VPS13D: variants seen among roughly 807,000 people sequenced by gnomAD.
VPS13D encodes the protein intermembrane lipid transfer protein VPS13D.
VPS13D carries 187 observed loss-of-function variants against 461.9 expected under a neutral mutation model. That is an observed-to-expected ratio of 0.40 (90% CI 0.36 to 0.46). VPS13D has a LOEUF of 0.46. VPS13D is among the 20% of genes least tolerant of loss of function. VPS13D has a pLI of 0.60. For synonymous variants in VPS13D, 1,951 were observed against 1,986.3 expected, an observed-to-expected ratio of 0.98 and a Z score of 0.47; for missense variants, 4,711 against 5,364.9, an observed-to-expected ratio of 0.88 and a Z score of 3.81.
intron 16 of VPS13D, among the ~76,000 whole-genome samples, 197 bp downstream of exon 16, chr1:12,269,073 A>G (rs536649785): frequency 1.3e-5 from 2 of 152,302 alleles, no homozygotes; most frequent in East Asian, 1.9e-4. Flanking sequence ...AGAGAAATCT[A>G]TATCCTTAAA....
chr1:12,265,849 T>C (rs764135351), intron 13 of VPS13D, among the ~76,000 whole-genome samples: 16 of 152,190 alleles, frequency 1.1e-4, no homozygotes, highest in Non-Finnish European at 1.9e-4. Context: ...GTGAAGATAC[T>C]ATGAACACTG....
intron 24 of VPS13D, among the ~76,000 whole-genome samples, chr1:12,296,214 C>T (rs1033247034): frequency 2.0e-5 from 3 of 152,144 alleles, no homozygotes; most frequent in Admixed American, 6.5e-5. Flanking sequence ...AGGGTGTGCG[C>T]ACATTTCTCT....
intron 67 of VPS13D, among the ~76,000 whole-genome samples, chr1:12,461,030 G>A (rs1218849530): frequency 6.6e-6 from 1 of 152,192 alleles, no homozygotes; most frequent in African/African-American, 2.4e-5. Flanking sequence ...CAGCCCATAT[G>A]GTTCCAAACC....
At chr1:12,430,954 T>G (rs929724895) in intron 65 of VPS13D, among the ~76,000 whole-genome samples, 2 of 152,164 alleles carry the variant, frequency 1.3e-5, no homozygotes, top group Admixed American at 1.3e-4. Flanking sequence ...AGAAATCAAT[T>G]AACGTGACAA....
chr1:12,454,512 T>C (rs944027951), intron 65 of VPS13D, among the ~76,000 whole-genome samples: 3 of 152,248 alleles, frequency 2.0e-5, no homozygotes, highest in African/African-American at 7.2e-5. Flanking sequence ...CCCTAGGTTG[T>C]AAAATATTTG....
intron 2 of VPS13D, among the ~76,000 whole-genome samples, chr1:12,237,326 C>T (rs369269109): frequency 9.9e-6 from 1 of 100,864 alleles, no homozygotes; most frequent in South Asian, 3.3e-4. Flanking sequence ...CCCTTTTCTA[C>T]AAAAAAAAAA....
Position 12,230,088 on chromosome 1 carries a change from C to G in VPS13D, c.-109C>G, listed in dbSNP as rs139881781. The G allele has an allele frequency of 0.14, 21,434 of 151,820 alleles. 2,715 individuals are homozygous for G. Among genetic ancestry groups the G allele is most frequent in the African/African-American group, 0.34 (14,044 of 41,400 alleles). 9.4% of individuals were successfully genotyped at this position (151,820 alleles called of 1,614,324 possible). The stretch of plus-strand genomic sequence containing the variant: ...GCGGGGAGGAAACGCCGCGCAGCGC[C>G]GGGCTGGGGCGGGCGGCCCGGGACA... On this transcript the variant is annotated 5_prime_UTR_variant, in exon 1 of 70. Coordinates refer to ENST00000620676, the MANE Select transcript of VPS13D (RefSeq NM_015378.4).
At chr1:12,285,989 T>TTTCCTTTCC (rs1641961524) in intron 21 of VPS13D, among the ~76,000 whole-genome samples, 1 of 70,904 alleles carries the variant, frequency 1.4e-5, no homozygotes, top group African/African-American at 5.1e-5. Context: ...TTTCCTTTCC[T>TTTCCTTTCC]TTCCTCTCCT....
At chr1:12,346,417 A>G (rs942083958) in intron 43 of VPS13D, among the ~76,000 whole-genome samples, 188 bp from the exon 44 acceptor site, 2 of 152,190 alleles carry the variant, frequency 1.3e-5, no homozygotes, top group Non-Finnish European at 2.9e-5. Context: ...CATACGTTGA[A>G]TGGTTATAAA....
At chr1:12,387,250 C>T (rs1644361836) in intron 60 of VPS13D, among the ~76,000 whole-genome samples, 1 of 152,184 alleles carries the variant, frequency 6.6e-6, no homozygotes. Flanking sequence ...CTGCTATAGA[C>T]TGCCTAAGAA....
intron 54 of VPS13D, among the ~76,000 whole-genome samples, chr1:12,372,713 A>G (rs1260848893): frequency 1.3e-5 from 2 of 151,318 alleles, no homozygotes; most frequent in African/African-American, 2.4e-5. Context: ...TTGGTCACAT[A>G]TAATTTATCT....
In VPS13D at chr1:12,266,866, A is replaced by G. The variant is rs753694150; in HGVS notation, c.1595-15A>G. The G allele has an allele frequency of 6.5e-6, 10 of 1,546,792 alleles. No individual in the cohort carries two copies. In the Admixed American group the frequency reaches 1.9e-4, roughly 30 times the overall value. ...TCATAAGCATTGTATCAACTATTTT[A>G]TTTATCTTTTATAGATGTAAAACTT... On this transcript the variant is annotated splice_polypyrimidine_tract_variant and intron_variant, in intron 13 of 69. Coordinates refer to ENST00000620676, the MANE Select transcript of VPS13D (RefSeq NM_015378.4).
intron 22 of VPS13D, among the ~76,000 whole-genome samples, chr1:12,289,744 T>C (rs1642072536): frequency 6.6e-6 from 1 of 151,976 alleles, no homozygotes; most frequent in Admixed American, 6.6e-5. Context: ...GAGACAAGCC[T>C]GGGCAACATA....
At chr1:12,303,182 C>T (rs1313521051) in intron 25 of VPS13D, among the ~76,000 whole-genome samples, 1 of 152,154 alleles carries the variant, frequency 6.6e-6, no homozygotes, top group Non-Finnish European at 1.5e-5. Context: ...GGAAATAATC[C>T]TGAAATCAAA....
At chr1:12,265,376 C>T (rs774527854) in intron 13 of VPS13D, among the ~76,000 whole-genome samples, 67 of 152,164 alleles carry the variant, frequency 4.4e-4, no homozygotes, top group East Asian at 1.9e-4. Context: ...TGGCCTCAAA[C>T]GATCCTCCTG....
chr1:12,479,890 G>T (rs1426991232), intron 67 of VPS13D, among the ~76,000 whole-genome samples: 1 of 152,202 alleles, frequency 6.6e-6, no homozygotes, highest in Non-Finnish European at 1.5e-5. Context: ...TGCGAATGAA[G>T]GGTATGTATT....
intron 19 of VPS13D, among the ~76,000 whole-genome samples, chr1:12,278,344 C>T (rs1641677725): frequency 6.6e-6 from 1 of 152,146 alleles, no homozygotes; most frequent in Admixed American, 6.5e-5. Context: ...AGTCTCAGCT[C>T]ACTGCAACCT....
chr1:12,366,738 A>G (rs575183571), intron 52 of VPS13D, among the ~76,000 whole-genome samples: 1 of 152,322 alleles, frequency 6.6e-6, no homozygotes, highest in South Asian at 2.1e-4. Flanking sequence ...AACTATAGGA[A>G]AGTTACAAAA....
intron 25 of VPS13D, among the ~76,000 whole-genome samples, chr1:12,300,300 T>C (rs113865185): frequency 2.0e-5 from 3 of 148,658 alleles, no homozygotes; most frequent in African/African-American, 7.5e-5. Context: ...CTCCGTCTCC[T>C]GGGTTTAAGC....
Sources: allele counts gnomAD v4.1 joint callset (sites outside exome capture counted in the v4.1 genomes callset), GRCh38; gene constraint gnomAD v4.1.1; transcripts MANE v1.5; gene names NCBI Gene and HGNC (gene_info 2026-07-23, HGNC 2026-07-21).